The following DNAH12 variants were observed in gnomAD, a reference collection of about 807,000 sequenced individuals.
The protein encoded by DNAH12 is axonemal beta dynein heavy chain 12.
A neutral mutation model predicts 371.5 loss-of-function variants in DNAH12; 285 were observed. That is an observed-to-expected ratio of 0.77 (90% CI 0.70 to 0.85). DNAH12 has a LOEUF of 0.85. Among genes scored for constraint, DNAH12 ranks in the 40% least tolerant of loss-of-function variants. The probability of loss-of-function intolerance (pLI) is 0.00; values close to 1 mark genes in which losing one functional copy is unlikely to be tolerated. For synonymous variants in DNAH12, 1,200 were observed against 1,213.0 expected (o/e 0.99, Z 0.22); for missense variants, 3,611 against 3,689.4 (o/e 0.98, Z 0.55).
In DNAH12 at chr3:57,301,922, C is replaced by G; in HGVS notation, c.11207G>C (p.Arg3736Pro). Residue 3736 changes from arginine to proline, a missense_variant, in exon 70 of 74, where the codon CGT becomes CCT. Arg to Pro is a moderately radical substitution (Grantham distance 103, BLOSUM62 -2). Transcript: ENST00000495027. ...TTTTTCAAGGTCCCGTAGAGTGTTA[C>G]GTATAGTTATAATTAAACTGCAATG... Reference protein sequence around the residue: ...ERFNNLIITIRNTLRDLEKAI... With the variant: ...ERFNNLIITIPNTLRDLEKAI... 1 of 1,551,436 alleles carries G rather than the reference C, an allele frequency of 6.4e-7. No individual in the cohort carries two copies. The highest frequency in any genetic ancestry group is 8.7e-7 in the Non-Finnish European group (1 of 1,146,914).
chr3:57,318,086 G>A (rs79322482), intron 65 of DNAH12, among the ~76,000 whole-genome samples: 1 of 152,154 alleles, frequency 6.6e-6, no homozygotes, highest in African/African-American at 2.4e-5. Context: ...CTAATATATG[G>A]TTTGCAAATA....
At chr3:57,386,731 A>ATTTTAAGAC (rs1263307195) in intron 46 of DNAH12, 128 bp from the exon 47 acceptor site, 2 of 152,364 alleles carry the variant, frequency 1.3e-5, no homozygotes, top group African/African-American at 4.8e-5. Flanking sequence ...GTACTTGAAC[A>ATTTTAAGAC]TTTTAAGACT....
rs368757579 is a variant in DNAH12, at chr3:57,421,902, C to CTT, written c.5374-198_5374-197dup. On this transcript the variant is annotated intron_variant, in intron 35 of 73. Coordinates refer to ENST00000495027, the MANE Select transcript of DNAH12 (RefSeq NM_001366028.2). ...AATTTTTATCAAAATGTTTGCATGTCTTTTTTTTTTTTTTTTTTTTTGAGA... is the reference window on the plus strand; with the variant it reads ...AATTTTTATCAAAATGTTTGCATGTCTTTTTTTTTTTTTTTTTTTTTTTGAGA... Among the ~76,000 whole-genome samples, 603 of 98,474 alleles carry CTT rather than the reference C, an allele frequency of 6.1e-3. 42 individuals are homozygous for CTT. The highest frequency in any genetic ancestry group is 0.019 in the African/African-American group (395 of 20,602). 64.6% of individuals were successfully genotyped at this position (98,474 alleles called of 152,430 possible).
intron 50 of DNAH12, among the ~76,000 whole-genome samples, chr3:57,380,631 A>C (rs1394412562): frequency 6.6e-6 from 1 of 152,024 alleles, no homozygotes; most frequent in East Asian, 1.9e-4. Context: ...CACCTGGTTA[A>C]TTATTGTATT....
chr3:57,302,548 TATATATA>T, intron 69 of DNAH12, among the ~76,000 whole-genome samples: 1 of 96,176 alleles, frequency 1.0e-5, no homozygotes, highest in Non-Finnish European at 2.0e-5. Flanking sequence ...TATATATATA[TATATATA>T]TATATATATG....
At chr3:57,463,000 G>A in intron 17 of DNAH12, 125 bp from the exon 18 acceptor site, 2 of 628,442 alleles carry the variant, frequency 3.2e-6, no homozygotes, top group Non-Finnish European at 5.2e-6. Context: ...ATTTCTATCA[G>A]TACAATCAAA....
At chr3:57,502,888 A>G (rs2067605681) in intron 9 of DNAH12, among the ~76,000 whole-genome samples, 1 of 151,348 alleles carries the variant, frequency 6.6e-6, no homozygotes. Context: ...CAGTGTTGGT[A>G]AGGCTGGTCT....
At chr3:57,459,555 G>C (rs936482692) in intron 20 of DNAH12, 37 bp downstream of exon 20, 1 of 1,320,848 alleles carries the variant, frequency 7.6e-7, no homozygotes, top group African/African-American at 1.5e-5. Context: ...CAAAAACAAA[G>C]GTTCACCTAC....
intron 40 of DNAH12, 119 bp from the exon 41 acceptor site, chr3:57,406,071 C>T: frequency 8.8e-7 from 1 of 1,134,694 alleles, no homozygotes; most frequent in Non-Finnish European, 1.2e-6. Flanking sequence ...TGGGCTTGGG[C>T]TGGGCGCGGT....
intron 12 of DNAH12, among the ~76,000 whole-genome samples, chr3:57,487,373 GA>G (rs745504623): frequency 0.038 from 1,097 of 28,790 alleles, 13 homozygotes; most frequent in African/African-American, 0.07. Context: ...GAGAAAGAAA[GA>G]AAAAAAAAAA....
chr3:57,310,619 A>G, intron 67 of DNAH12, 98 bp downstream of exon 67: 1 of 817,968 alleles, frequency 1.2e-6, no homozygotes, highest in Non-Finnish European at 1.9e-6. Context: ...TAAAACCATA[A>G]TATTTGTCTA....
chr3:57,320,620 TCA>T (rs10575147), intron 65 of DNAH12, among the ~76,000 whole-genome samples: 52,406 of 151,912 alleles, frequency 0.34, 9,691 homozygotes, highest in African/African-American at 0.47. Context: ...TACAAACCAG[TCA>T]CACCTGCAGA....
chr3:57,320,535 C>G (rs577006178), intron 65 of DNAH12, among the ~76,000 whole-genome samples: 1 of 152,220 alleles, frequency 6.6e-6, no homozygotes, highest in Non-Finnish European at 1.5e-5. Flanking sequence ...TATTGCTGGC[C>G]TAATTGTCAG....
At chr3:57,484,980 G>A (rs1365752098) in intron 12 of DNAH12, among the ~76,000 whole-genome samples, 2 of 152,136 alleles carry the variant, frequency 1.3e-5, no homozygotes, top group East Asian at 3.8e-4. Context: ...AAACCACAAT[G>A]AGATACCACC....
chr3:57,425,179 T>A (rs1559644359), intron 34 of DNAH12, 38 bp from the exon 35 acceptor site: 2 of 680,602 alleles, frequency 2.9e-6, no homozygotes, highest in Non-Finnish European at 2.6e-6. Flanking sequence ...TTAATTTTCA[T>A]CTTATTTAGA....
chr3:57,409,904 A>C (rs17735998), intron 39 of DNAH12, among the ~76,000 whole-genome samples: 3,605 of 152,274 alleles, frequency 0.024, 69 homozygotes, highest in Admixed American at 0.035. Flanking sequence ...GTTATCCATG[A>C]GATTGCTGTC....
intron 53 of DNAH12, among the ~76,000 whole-genome samples, chr3:57,376,254 T>C (rs2063278354): frequency 6.6e-6 from 1 of 152,094 alleles, no homozygotes; most frequent in East Asian, 1.9e-4. Context: ...CACCAACATT[T>C]TGCCTAATAA....
chr3:57,500,746 C>A (rs1167977199), intron 11 of DNAH12, among the ~76,000 whole-genome samples: 3 of 152,014 alleles, frequency 2.0e-5, no homozygotes, highest in Admixed American at 6.6e-5. Flanking sequence ...AATATAAGCT[C>A]CTGAAGACAG....
intron 37 of DNAH12, 35 bp downstream of exon 37, chr3:57,419,332 C>A (rs1476914990): frequency 6.8e-7 from 1 of 1,465,298 alleles, no homozygotes; most frequent in Admixed American, 3.2e-5. Flanking sequence ...GGTACTTTTA[C>A]ATTCAAAATG....
Sources: allele counts gnomAD v4.1 joint callset (sites outside exome capture counted in the v4.1 genomes callset), GRCh38; gene constraint gnomAD v4.1.1; transcripts MANE v1.5; gene names NCBI Gene and HGNC (gene_info 2026-07-23, HGNC 2026-07-21).